Variants in HNRNPA3 observed in about 807,000 individuals in gnomAD.
HNRNPA3 encodes epididymis secretory sperm binding protein.
A neutral mutation model predicts 45.8 loss-of-function variants in HNRNPA3; 3 were observed. That is an observed-to-expected ratio of 0.07 (90% confidence interval 0.03 to 0.17). The LOEUF is 0.17. Among genes scored for constraint, HNRNPA3 ranks in the 10% least tolerant of loss-of-function variants. The probability of loss-of-function intolerance (pLI) is 1.00; values close to 1 mark genes in which losing one functional copy is unlikely to be tolerated. For synonymous variants in HNRNPA3, 170 were observed against 155.6 expected (o/e 1.09, Z -0.69); for missense variants, 183 against 480.3 (o/e 0.38, Z 5.79).
At chr2:177,217,808 A>C in exon 8 of HNRNPA3, 1 of 1,602,680 alleles carries the variant, frequency 6.2e-7, no homozygotes, top group Non-Finnish European at 8.5e-7. Flanking sequence ...GAGGTGGAGG[A>C]TATGATGGTT....
At chr2:177,221,280 G>C (rs535246422), downstream of HNRNPA3, 4 of 152,684 alleles carry the variant, frequency 2.6e-5, no homozygotes, top group South Asian at 8.3e-4. Flanking sequence ...ACTTAAACCT[G>C]GGTACCTGGT....
chr2:177,220,661 T>G (rs1443688396), downstream of HNRNPA3: 2 of 152,652 alleles, frequency 1.3e-5, no homozygotes, highest in Non-Finnish European at 2.9e-5. Flanking sequence ...TAGTACAGGC[T>G]TCTCACTTCC....
At chr2:177,216,433 G>C in intron 4 of HNRNPA3, 70 bp from the exon 5 acceptor site, 1 of 1,074,000 alleles carries the variant, frequency 9.3e-7, no homozygotes, top group South Asian at 1.3e-5. Context: ...AATGACAGAG[G>C]GTATCTCATA....
chr2:177,222,406 A>G (rs1429301302), downstream of HNRNPA3: 1 of 152,230 alleles, frequency 6.6e-6, no homozygotes, highest in Admixed American at 6.5e-5. Context: ...ATTTTTGGTA[A>G]AGTGGTTTCA....
chr2:177,214,591 C>G (rs934507998), intron 1 of HNRNPA3, among the ~76,000 whole-genome samples: 1 of 152,120 alleles, frequency 6.6e-6, no homozygotes, highest in African/African-American at 2.4e-5. Context: ...GTCAGGAGAT[C>G]GAGACCATTC....
intron 8 of HNRNPA3, among the ~76,000 whole-genome samples, 197 bp from the exon 9 acceptor site, chr2:177,218,840 C>T (rs1689073511): frequency 6.6e-6 from 1 of 152,156 alleles, no homozygotes; most frequent in African/African-American, 2.4e-5. Flanking sequence ...AGAACATGCG[C>T]CTAGAGGACA....
chr2:177,216,805 T>G, intron 6 of HNRNPA3, 34 bp downstream of exon 6: 1 of 1,613,640 alleles, frequency 6.2e-7, no homozygotes, highest in Non-Finnish European at 8.5e-7. Context: ...CATGGATACC[T>G]GACATTTTGG....
At chr2:177,214,228 TATAGTC>T (rs1454721101) in intron 1 of HNRNPA3, among the ~76,000 whole-genome samples, 1 of 152,268 alleles carries the variant, frequency 6.6e-6, no homozygotes, top group Non-Finnish European at 1.5e-5. Flanking sequence ...ACTCCGTTCT[TATAGTC>T]AGACAATACA....
At chr2:177,220,454 T>A (rs1311978784), downstream of HNRNPA3, 4 of 154,324 alleles carry the variant, frequency 2.6e-5, no homozygotes. Context: ...GGCCCATAAA[T>A]CTTGAGTTAC....
downstream of HNRNPA3, chr2:177,223,910 A>G (rs1689299416): frequency 6.6e-6 from 1 of 152,214 alleles, no homozygotes; most frequent in South Asian, 2.1e-4. Flanking sequence ...CTATAGGTGA[A>G]TATTTTGACT....
downstream of HNRNPA3, chr2:177,223,028 C>G (rs1207775521): frequency 6.6e-6 from 1 of 152,320 alleles, no homozygotes; most frequent in Non-Finnish European, 1.5e-5. Flanking sequence ...TTTTTGCTGC[C>G]CCAAAAGGGC....
chr2:177,218,418 A>G (rs1271223977), intron 8 of HNRNPA3, among the ~76,000 whole-genome samples: 1 of 152,212 alleles, frequency 6.6e-6, no homozygotes, highest in Non-Finnish European at 1.5e-5. Context: ...AGTATTCAGT[A>G]CATGTTTTAC....
chr2:177,215,575 C>T, exon 2 of HNRNPA3: 1 of 1,613,810 alleles, frequency 6.2e-7, no homozygotes, highest in Non-Finnish European at 8.5e-7. Context: ...GTTGAGAAAA[C>T]TGTTTATTGG....
In HNRNPA3 at chr2:177,218,052, C is replaced by CTTTTTTTTTT. The variant is rs58476089; in HGVS notation, c.961+225_961+234dup. The stretch of plus-strand genomic sequence containing the variant: ...ACAAATGTACTCAGCTCTCTTTTTT[C>CTTTTTTTTTT]TTTTTTTTTTTTTTTTTTTTTTTTT... On this transcript the variant is annotated intron_variant, in intron 8 of 10. Transcript: ENST00000392524. Among the ~76,000 whole-genome samples the CTTTTTTTTTT allele has an allele frequency of 2.3e-3, 234 of 102,168 alleles. 22 individuals are homozygous for CTTTTTTTTTT. The highest frequency in any genetic ancestry group is 6.3e-3 in the African/African-American group (158 of 25,036). The allele number at this position is 102,168 out of a possible 152,430, so 67.0% of individuals were successfully genotyped here.
chr2:177,218,524 C>A (rs559211098), intron 8 of HNRNPA3, among the ~76,000 whole-genome samples: 3 of 152,172 alleles, frequency 2.0e-5, no homozygotes, highest in Non-Finnish European at 2.9e-5. Context: ...TTGAATACTC[C>A]AGACGTGTTG....
chr2:177,220,248 T>C (rs1312532729), downstream of HNRNPA3: 4 of 152,632 alleles, frequency 2.6e-5, no homozygotes, highest in East Asian at 7.7e-4. Context: ...TTGGTCAAAT[T>C]TGAACTGCTG....
chr2:177,213,864 T>G (rs1039614224), intron 1 of HNRNPA3, among the ~76,000 whole-genome samples: 3 of 152,278 alleles, frequency 2.0e-5, no homozygotes, highest in Non-Finnish European at 4.4e-5. Context: ...GTTTTTGCAG[T>G]ACATTTAATG....
chr2:177,213,867 A>G (rs1260857656), intron 1 of HNRNPA3, among the ~76,000 whole-genome samples: 1 of 152,272 alleles, frequency 6.6e-6, no homozygotes, highest in Non-Finnish European at 1.5e-5. Flanking sequence ...TTTGCAGTAC[A>G]TTTAATGTGG....
intron 1 of HNRNPA3, among the ~76,000 whole-genome samples, chr2:177,214,664 G>A (rs1047959045): frequency 6.6e-5 from 10 of 152,178 alleles, no homozygotes; most frequent in African/African-American, 2.2e-4. Context: ...GCGCGGTGGC[G>A]GGCGCCCGTA....
Sources: allele counts gnomAD v4.1 joint callset (sites outside exome capture counted in the v4.1 genomes callset), GRCh38; gene constraint gnomAD v4.1.1; transcripts MANE v1.5; gene names NCBI Gene and HGNC (gene_info 2026-07-23, HGNC 2026-07-21).